The following BPIFA1 variants were observed in gnomAD, a reference collection of about 807,000 sequenced individuals.
BPIFA1 encodes BPI fold-containing family A member 1.
BPIFA1 carries 24 observed loss-of-function variants against 25.1 expected under a neutral mutation model. The observed-to-expected ratio is 0.96, with a 90% CI of 0.69 to 1.35. The LOEUF (loss-of-function observed/expected upper bound fraction) is 1.35, where lower values mean the gene tolerates loss of function less well. BPIFA1 is among the 40% of genes most tolerant of loss of function. BPIFA1 has a pLI of 0.00. For synonymous variants in BPIFA1, 139 were observed against 131.8 expected (o/e 1.05, Z -0.37); for missense variants, 344 against 303.7 (o/e 1.13, Z -0.99).
At chr20:33,241,164 A>G (rs1004809380) in intron 5 of BPIFA1, among the ~76,000 whole-genome samples, 4 of 152,204 alleles carry the variant, frequency 2.6e-5, no homozygotes, top group South Asian at 4.1e-4. Context: ...TTTTCTGAGA[A>G]CCATGTGTTT....
At chr20:33,239,698 TG>T (rs1363504221) in intron 3 of BPIFA1, 104 bp from the exon 4 acceptor site, 11 of 1,107,060 alleles carry the variant, frequency 9.9e-6, no homozygotes, top group Non-Finnish European at 1.5e-5. Context: ...CTATCCTGGG[TG>T]GGAAGCTCTA....
chr20:33,238,257 C>A, intron 3 of BPIFA1, 43 bp downstream of exon 3: 1 of 1,571,792 alleles, frequency 6.4e-7, no homozygotes, highest in Non-Finnish European at 8.6e-7. Context: ...ACCAGGGAAC[C>A]CCAGGTGAAG....
rs143582801 is a variant in BPIFA1, at chr20:33,238,110, G to A, written c.216G>A (p.Pro72=). ...GGLLGILENL[P]LLDILKPGGG... ...TGTTGGGCATTCTGGAAAACCTTCC[G>A]CTCCTGGACATCCTGAAGCCTGGAG... The change falls in exon 3 of 9, where the codon CCG becomes CCA. Residue 72 remains proline (P), a synonymous_variant. Transcript: ENST00000354297. 4.7e-4 allele frequency: 754 copies of A among 1,613,968 alleles called. 10 individuals are homozygous for A. The South Asian group carries it at 7.0e-3, about 15-fold the overall frequency.
intron 3 of BPIFA1, among the ~76,000 whole-genome samples, chr20:33,239,112 C>CTTGG (rs2146499136): frequency 6.6e-6 from 1 of 152,206 alleles, no homozygotes; most frequent in African/African-American, 2.4e-5. Context: ...CAAATGGCCT[C>CTTGG]CCTGCTTGAT....
chr20:33,239,852 C>T lies in BPIFA1; in HGVS notation c.370C>T (p.Pro124Ser). 6.2e-7 allele frequency: 1 copy of T among 1,614,196 alleles called. No homozygotes were observed. Among genetic ancestry groups the T allele is most frequent in the Non-Finnish European group, 8.5e-7 (1 of 1,180,022 alleles). Reference protein sequence around the residue: ...QLLELGLVQSPDGHRLYVTIP... With the variant: ...QLLELGLVQSSDGHRLYVTIP... ...GCTGGAACTTGGCCTTGTGCAGAGC[C>T]CTGATGGCCACCGTCTCTATGTCAC... The change falls in exon 4 of 9, where the codon CCT becomes TCT. Residue 124 changes from proline (P) to serine (S), a missense_variant. Pro to Ser is a moderately conservative substitution (Grantham distance 74, BLOSUM62 -1). Coordinates refer to ENST00000354297, the MANE Select transcript of BPIFA1 (RefSeq NM_130852.3).
chr20:33,238,286 GTGACC>G, intron 3 of BPIFA1, 72 bp downstream of exon 3: 1 of 860,376 alleles, frequency 1.2e-6, no homozygotes. Context: ...GCCCCAGGCA[GTGACC>G]CTGAAGCAGC....
At chr20:33,239,718 A>T (rs1440024076) in intron 3 of BPIFA1, 85 bp from the exon 4 acceptor site, 4 of 1,313,210 alleles carry the variant, frequency 3.0e-6, no homozygotes, top group Non-Finnish European at 4.4e-6. Context: ...TACCTCTGGG[A>T]TGGGTACTGT....
chr20:33,242,385 A>G, intron 7 of BPIFA1, 102 bp from the exon 8 acceptor site: 1 of 1,377,920 alleles, frequency 7.3e-7, no homozygotes, highest in South Asian at 1.2e-5. Flanking sequence ...TCGGATCTCC[A>G]GAGGCCTCCA....
intron 1 of BPIFA1, among the ~76,000 whole-genome samples, 189 bp downstream of exon 1, chr20:33,236,239 A>G (rs1978671202): frequency 6.6e-6 from 1 of 152,230 alleles, no homozygotes; most frequent in African/African-American, 2.4e-5. Context: ...TAACATTGAT[A>G]TAGAAATGGG....
Position 33,237,870 on chromosome 20 carries a change from T to C in BPIFA1, c.159T>C (p.Asn53=). 1 of 1,566,854 alleles carries C rather than the reference T, an allele frequency of 6.4e-7. No homozygotes were observed. Among genetic ancestry groups the C allele is most frequent in the African/African-American group, 1.4e-5 (1 of 72,914 alleles). ...CAGGTCTTGCAGGAAGCTTGACAAATGGTGAGTTTTCAGGGGTGTATGTGT... is the reference window on the plus strand; with the variant it reads ...CAGGTCTTGCAGGAAGCTTGACAAACGGTGAGTTTTCAGGGGTGTATGTGT... ...SPTGLAGSLT[N]ALSNGLLSGG... Residue 53 remains asparagine (N), a splice_region_variant and synonymous_variant, in exon 2 of 9, where the codon AAT becomes AAC. Coordinates refer to ENST00000354297, the MANE Select transcript of BPIFA1 (RefSeq NM_130852.3).
In BPIFA1 at chr20:33,238,046, CATTTCCAGCCCTCAGCA is replaced by C; in HGVS notation, c.161-6_171del. 2 of 1,611,512 alleles carry C rather than the reference CATTTCCAGCCCTCAGCA, an allele frequency of 1.2e-6. No individual in the cohort carries two copies. The highest frequency in any genetic ancestry group is 1.7e-6 in the Non-Finnish European group (2 of 1,178,896). On this transcript the variant is annotated splice_acceptor_variant and splice_polypyrimidine_tract_variant and coding_sequence_variant and intron_variant, in exon 3 of 9. Coordinates refer to ENST00000354297, the MANE Select transcript of BPIFA1 (RefSeq NM_130852.3). LOFTEE classifies it high-confidence loss of function. ...TCTGACCCCCAGAGACCCTTACACCCATTTCCAGCCCTCAGCAATGGCCTGCTGTCTGGGGGCCTGTT... is the reference window on the plus strand; with the variant it reads ...TCTGACCCCCAGAGACCCTTACACCCATGGCCTGCTGTCTGGGGGCCTGTT...
chr20:33,239,939 G>C, intron 4 of BPIFA1, 29 bp downstream of exon 4: 1 of 1,586,798 alleles, frequency 6.3e-7, no homozygotes, highest in Non-Finnish European at 8.7e-7. Flanking sequence ...GGGGTGAGAG[G>C]ATGGCTCACC....
At position 33,239,809 on chromosome 20, in the gene BPIFA1, G is replaced by A. The variant is rs1978866825; in HGVS notation, c.327G>A (p.Lys109=). Residue 109 remains lysine (K), a synonymous_variant, in exon 4 of 9, where the codon AAG becomes AAA. Transcript: ENST00000354297. The stretch of plus-strand genomic sequence containing the variant: ...AATATTACTCCCTGGACAGCATAAA[G>A]GTCACTGACCCCCAGCTGCTGGAAC... The part of the protein sequence containing the change: ...IPGLNNIIDI[K]VTDPQLLELG... The A allele has an allele frequency of 4.3e-6, 7 of 1,613,916 alleles. No individual in the cohort carries two copies. In the East Asian group the frequency reaches 8.9e-5, roughly 21 times the overall value.
At chr20:33,241,234 CCCT>C in intron 5 of BPIFA1, 148 bp from the exon 6 acceptor site, 2 of 717,108 alleles carry the variant, frequency 2.8e-6, no homozygotes, top group South Asian at 3.3e-5. Context: ...TTACATAAGA[CCCT>C]TGCTGTTGGC....
At chr20:33,240,686 GATAAA>G (rs1464534273) in intron 5 of BPIFA1, among the ~76,000 whole-genome samples, 16 of 144,244 alleles carry the variant, frequency 1.1e-4, no homozygotes, top group African/African-American at 4.3e-4. Context: ...TAGATAGATA[GATAAA>G]GTAGTACTTA....
At chr20:33,237,666 T>C (rs748886798) in intron 1 of BPIFA1, 31 bp from the exon 2 acceptor site, 4 of 1,393,558 alleles carry the variant, frequency 2.9e-6, no homozygotes, top group Non-Finnish European at 3.7e-6. Context: ...CTGATACCCA[T>C]GCCATGTTGG....
chr20:33,239,990 A>G, intron 4 of BPIFA1, 80 bp downstream of exon 4: 1 of 1,465,844 alleles, frequency 6.8e-7, no homozygotes, highest in Non-Finnish European at 9.5e-7. Flanking sequence ...TAACGGGGGT[A>G]TTGGAGTCTA....
At chr20:33,240,037 T>C in intron 4 of BPIFA1, 127 bp downstream of exon 4, 1 of 1,325,224 alleles carries the variant, frequency 7.5e-7, no homozygotes, top group Non-Finnish European at 1.1e-6. Context: ...CATTTGCTGC[T>C]ATGCTAAGTG....
intron 3 of BPIFA1, 94 bp from the exon 4 acceptor site, chr20:33,239,709 A>G: frequency 8.1e-7 from 1 of 1,241,644 alleles, no homozygotes; most frequent in Non-Finnish European, 1.2e-6. Context: ...GGGAAGCTCT[A>G]CCTCTGGGAT....
Sources: gnomAD v4.1 joint callset for allele counts (sites outside exome capture counted in the v4.1 genomes callset) on GRCh38, gnomAD v4.1.1 for gene constraint, MANE v1.5 for transcripts, NCBI Gene and HGNC (gene_info 2026-07-23, HGNC 2026-07-21) for gene names.